PRELID2: variants seen among roughly 807,000 people sequenced by gnomAD.
The protein encoded by PRELID2 is PRELI domain containing 2, also known as PRELI domain-containing protein 2.
In PRELID2, 25 loss-of-function variants were observed where a neutral mutation model predicts 28.4. That is an observed-to-expected ratio of 0.88 (90% CI 0.64 to 1.23). The LOEUF (loss-of-function observed/expected upper bound fraction) is 1.23, where lower values mean the gene tolerates loss of function less well. Among genes scored for constraint, PRELID2 ranks in the 50% most tolerant of loss-of-function variants. The pLI, the probability that PRELID2 is intolerant of heterozygous loss-of-function variation, is 0.00. For synonymous variants in PRELID2, 76 were observed against 71.6 expected (o/e 1.06, Z -0.31); for missense variants, 201 against 214.4 (o/e 0.94, Z 0.39).
At chr5:145,552,412 C>T (rs570166769) in intron 1 of PRELID2, among the ~76,000 whole-genome samples, 1 of 152,204 alleles carries the variant, frequency 6.6e-6, no homozygotes, top group South Asian at 2.1e-4. Context: ...TCACATCCTT[C>T]AACTACAGTT....
At chr5:145,420,460 T>G in the PRELID2 span, among the ~76,000 whole-genome samples, 1 of 149,256 alleles carries the variant, frequency 6.7e-6, no homozygotes, top group Non-Finnish European at 1.5e-5. Context: ...CCCTTGTAAG[T>G]TGGATTCCTA....
chr5:145,348,369 C>G, the PRELID2 span, among the ~76,000 whole-genome samples: 6 of 152,080 alleles, frequency 3.9e-5, no homozygotes, highest in Non-Finnish European at 5.9e-5. Context: ...AAGTAGCAAG[C>G]AAGGGATTTT....
chr5:145,802,724 G>T (rs1753216352), intron 4 of PRELID2, among the ~76,000 whole-genome samples: 1 of 152,146 alleles, frequency 6.6e-6, no homozygotes, highest in Non-Finnish European at 1.5e-5. Flanking sequence ...CACTTAGTGG[G>T]TGTGATTCAA....
chr5:145,367,306 G>A, the PRELID2 span, among the ~76,000 whole-genome samples: 1 of 151,754 alleles, frequency 6.6e-6, no homozygotes. Flanking sequence ...TTATTTTTTA[G>A]ACCAGTTTTC....
intron 1 of PRELID2, among the ~76,000 whole-genome samples, chr5:145,720,710 A>C (rs78510514): frequency 0.024 from 3,621 of 152,106 alleles, 137 homozygotes; most frequent in African/African-American, 0.082. Flanking sequence ...TAGATTTAAG[A>C]CTAAAACAGA....
At chr5:145,422,758 G>A in the PRELID2 span, among the ~76,000 whole-genome samples, 3 of 151,452 alleles carry the variant, frequency 2.0e-5, no homozygotes, top group South Asian at 4.2e-4. Flanking sequence ...ATTGTTATGT[G>A]TGAATTTGAT....
Position 145,779,629 on chromosome 5 carries a change from G to A in PRELID2, c.475-14629C>T, listed in dbSNP as rs1036151478. Among the ~76,000 whole-genome samples, 6 of 152,146 alleles carry A rather than the reference G, an allele frequency of 3.9e-5. No individual in the cohort carries two copies. The South Asian group carries it at 1.0e-3, about 26-fold the overall frequency. Reference sequence around the variant, plus strand: ...TGCGTATGAGACTAGAAGGAAATACGCCAATTTGGGTAATAATGAAAAGAA... The same window carrying A: ...TGCGTATGAGACTAGAAGGAAATACACCAATTTGGGTAATAATGAAAAGAA... On this transcript the variant is annotated intron_variant, in intron 5 of 6. Coordinates refer to ENST00000683046, the MANE Select transcript of PRELID2 (RefSeq NM_205846.3).
chr5:145,326,357 A>G, the PRELID2 span, among the ~76,000 whole-genome samples: 1 of 152,128 alleles, frequency 6.6e-6, no homozygotes, highest in African/African-American at 2.4e-5. Context: ...CGTGATTTCA[A>G]TAAAAAGCCA....
chr5:145,391,099 T>C, the PRELID2 span, among the ~76,000 whole-genome samples: 5 of 152,148 alleles, frequency 3.3e-5, no homozygotes, highest in Admixed American at 3.3e-4. Context: ...ATGTTGAGTG[T>C]CTGTGGCTTT....
chr5:145,495,956 A>C (rs1752306625), intron 1 of PRELID2, among the ~76,000 whole-genome samples: 2 of 152,164 alleles, frequency 1.3e-5, no homozygotes, highest in Admixed American at 1.3e-4. Flanking sequence ...CAGGTGTTCC[A>C]TTACCATGTG....
the PRELID2 span, among the ~76,000 whole-genome samples, chr5:145,294,428 G>A: frequency 5.6e-4 from 85 of 151,432 alleles, 2 homozygotes; most frequent in African/African-American, 2.0e-3. Context: ...AAATGACTTC[G>A]AGTTTTTAAA....
chr5:145,374,471 T>G, the PRELID2 span, among the ~76,000 whole-genome samples: 1 of 152,104 alleles, frequency 6.6e-6, no homozygotes, highest in Non-Finnish European at 1.5e-5. Context: ...GGGTTGATCT[T>G]CTCATGGAGT....
At chr5:145,401,890 C>T in the PRELID2 span, among the ~76,000 whole-genome samples, 6 of 152,282 alleles carry the variant, frequency 3.9e-5, no homozygotes, top group Non-Finnish European at 4.4e-5. Flanking sequence ...CTCGCTACTT[C>T]GAACACTATT....
chr5:145,443,057 G>A, the PRELID2 span, among the ~76,000 whole-genome samples: 1 of 152,076 alleles, frequency 6.6e-6, no homozygotes, highest in East Asian at 1.9e-4. Flanking sequence ...CCAGAGCTAT[G>A]AACATCTGCT....
chr5:145,530,418 A>G (rs1752645958), intron 1 of PRELID2, among the ~76,000 whole-genome samples: 1 of 152,072 alleles, frequency 6.6e-6, no homozygotes, highest in Non-Finnish European at 1.5e-5. Context: ...CCACAGGGGC[A>G]TTGTTTAACC....
intron 1 of PRELID2, among the ~76,000 whole-genome samples, chr5:145,547,957 G>A (rs1752801815): frequency 6.6e-6 from 1 of 152,142 alleles, no homozygotes; most frequent in African/African-American, 2.4e-5. Context: ...GTGCAGAGAG[G>A]AGGCATCGTA....
Position 145,526,715 on chromosome 5 carries a change from G to T in PRELID2, n.71-53400C>A, listed in dbSNP as rs116087548. Among the ~76,000 whole-genome samples the T allele has an allele frequency of 4.0e-3, 604 of 152,018 alleles. 3 individuals are homozygous for T. Among genetic ancestry groups the T allele is most frequent in the Non-Finnish European group, 6.4e-3 (435 of 68,018 alleles). On this transcript the variant is annotated intron_variant and non_coding_transcript_variant, in intron 1 of 2. Coordinates refer to the PRELID2 transcript ENST00000510259. Reference sequence around the variant, plus strand: ...ATACCAATGATAAAAACAGCAAGTAGTATTCAGCATTGCAATGACTCCAGA... The same window carrying T: ...ATACCAATGATAAAAACAGCAAGTATTATTCAGCATTGCAATGACTCCAGA...
rs552746530 is a variant in PRELID2 at position 145,596,099 on chromosome 5, C to CAAAAAAAAAAAAAAAAAAAAA, written n.71-122785_71-122784insTTTTTTTTTTTTTTTTTTTTT. Among the ~76,000 whole-genome samples the CAAAAAAAAAAAAAAAAAAAAA allele has an allele frequency of 6.8e-4, 30 of 43,950 alleles. 1 individual carries two copies. Among genetic ancestry groups the CAAAAAAAAAAAAAAAAAAAAA allele is most frequent in the African/African-American group, 1.3e-3 (13 of 10,392 alleles). 28.8% of individuals were successfully genotyped at this position (43,950 alleles called of 152,430 possible). A position where few individuals can be genotyped will look rare whatever the true frequency, so the allele number is the denominator to read the frequency against. On this transcript the variant is annotated intron_variant and non_coding_transcript_variant, in intron 1 of 2. Coordinates refer to the PRELID2 transcript ENST00000510259. ...TGGGTGACAGAGTGAGAGCCTGTCT[C>CAAAAAAAAAAAAAAAAAAAAA]AAAAAAAAAAAAAAAAAAAAGTCTG...
the PRELID2 span, among the ~76,000 whole-genome samples, chr5:145,394,173 A>G: frequency 6.6e-6 from 1 of 152,168 alleles, no homozygotes; most frequent in Non-Finnish European, 1.5e-5. Context: ...AAAGACTTGG[A>G]ACCAACCTAA....
Sources: gnomAD v4.1 joint callset for allele counts (sites outside exome capture counted in the v4.1 genomes callset) on GRCh38, gnomAD v4.1.1 for gene constraint, MANE v1.5 for transcripts, NCBI Gene and HGNC (gene_info 2026-07-23, HGNC 2026-07-21) for gene names.